MAML3: variants seen among roughly 807,000 people sequenced by gnomAD.
The protein encoded by MAML3 is mastermind-like protein 3.
MAML3 carries 27 observed loss-of-function variants against 101.9 expected under a neutral mutation model. The observed-to-expected ratio is 0.27, with a 90% CI of 0.20 to 0.37. MAML3 has a LOEUF of 0.37. Among genes scored for constraint, MAML3 ranks in the 10% least tolerant of loss-of-function variants. The pLI, the probability that MAML3 is intolerant of heterozygous loss-of-function variation, is 1.00. For synonymous variants in MAML3, 501 were observed against 555.9 expected, an observed-to-expected ratio of 0.90 and a Z score of 1.39; for missense variants, 1,316 against 1,444.9, an observed-to-expected ratio of 0.91 and a Z score of 1.45.
chr4:139,966,474 C>T lies in MAML3; in HGVS notation c.469-75507G>A, dbSNP rs146120928. 1.1e-3 allele frequency among the ~76,000 whole-genome samples: 165 copies of T among 152,210 alleles called. No individual in the cohort carries two copies. In the Middle Eastern group the frequency reaches 0.017, roughly 16 times the overall value. On this transcript the variant is annotated intron_variant, in intron 1 of 4. Transcript: ENST00000509479. ...AAAGGTAAAACAGGCAGAATATGTCCCTGCCTTTGCCTTTCCTAAGATGCA... is the reference window on the plus strand; with the variant it reads ...AAAGGTAAAACAGGCAGAATATGTCTCTGCCTTTGCCTTTCCTAAGATGCA...
chr4:139,790,365 GAACA>G (rs1415677643), intron 2 of MAML3, among the ~76,000 whole-genome samples: 2 of 150,074 alleles, frequency 1.3e-5, no homozygotes, highest in African/African-American at 2.4e-5. Context: ...TTTATGTACA[GAACA>G]AACCACTTTT....
At chr4:139,794,799 C>A (rs1730483540) in intron 2 of MAML3, among the ~76,000 whole-genome samples, 1 of 152,212 alleles carries the variant, frequency 6.6e-6, no homozygotes, top group African/African-American at 2.4e-5. Flanking sequence ...TGCCAACAGT[C>A]TTTGCTCCTC....
At chr4:140,099,233 A>T (rs967266948) in intron 1 of MAML3, among the ~76,000 whole-genome samples, 13 of 145,418 alleles carry the variant, frequency 8.9e-5, no homozygotes, top group African/African-American at 3.3e-4. Flanking sequence ...AGTATATCAC[A>T]CACACACACA....
chr4:139,772,428 G>A lies in MAML3; in HGVS notation c.2080-41761C>T, dbSNP rs185770229. ...GCGATCTCGGCTCACTGCAACCTCC[G>A]CCTCCTGGGTTCAAGTAATTCTCCT... is the stretch of plus-strand genomic sequence containing the variant. On this transcript the variant is annotated intron_variant, in intron 2 of 4. Transcript: ENST00000509479. 4.6e-3 allele frequency among the ~76,000 whole-genome samples: 690 copies of A among 150,972 alleles called. 4 individuals are homozygous for A. The highest frequency in any genetic ancestry group is 0.016 in the African/African-American group (649 of 41,192).
At chr4:140,095,516 C>T (rs1728142152) in intron 1 of MAML3, among the ~76,000 whole-genome samples, 1 of 152,144 alleles carries the variant, frequency 6.6e-6, no homozygotes, top group South Asian at 2.1e-4. Flanking sequence ...TTTTATTTCA[C>T]ACACATTTCT....
chr4:139,760,868 G>A (rs942163618), intron 2 of MAML3, among the ~76,000 whole-genome samples: 9 of 152,154 alleles, frequency 5.9e-5, no homozygotes, highest in East Asian at 1.9e-4. Flanking sequence ...CAGGATGGTC[G>A]TGACAACTCT....
At chr4:140,134,342 C>A (rs1333626895) in intron 1 of MAML3, 12 of 456,574 alleles carry the variant, frequency 2.6e-5, no homozygotes, top group South Asian at 1.9e-4. Flanking sequence ...CGAGGCAAGT[C>A]AAGAAGAAAA....
At chr4:139,738,496 T>C (rs1729033212) in intron 2 of MAML3, among the ~76,000 whole-genome samples, 1 of 152,086 alleles carries the variant, frequency 6.6e-6, no homozygotes, top group Non-Finnish European at 1.5e-5. Flanking sequence ...TGAGCCGAGA[T>C]TGCACCACTG....
chr4:139,972,802 T>C (rs1164011887), intron 1 of MAML3, among the ~76,000 whole-genome samples: 1 of 152,238 alleles, frequency 6.6e-6, no homozygotes, highest in Non-Finnish European at 1.5e-5. Context: ...ATCCATATCT[T>C]AAGTATGAAA....
At chr4:140,131,180 G>A (rs536056922) in intron 1 of MAML3, among the ~76,000 whole-genome samples, 1 of 152,180 alleles carries the variant, frequency 6.6e-6, no homozygotes, top group Non-Finnish European at 1.5e-5. Flanking sequence ...CAGGAAGAAG[G>A]ATGCAGATAT....
At chr4:139,998,262 T>C (rs1734856144) in intron 1 of MAML3, among the ~76,000 whole-genome samples, 1 of 152,224 alleles carries the variant, frequency 6.6e-6, no homozygotes, top group South Asian at 2.1e-4. Context: ...TCTTCTGTCT[T>C]GTTGAATATG....
intron 2 of MAML3, among the ~76,000 whole-genome samples, chr4:139,748,270 C>T (rs1729389512): frequency 6.6e-6 from 1 of 152,082 alleles, no homozygotes; most frequent in Admixed American, 6.5e-5. Context: ...AGAGAAGACA[C>T]TCCCTAGGCT....
intron 2 of MAML3, among the ~76,000 whole-genome samples, chr4:139,856,610 T>A (rs1433304365): frequency 6.6e-6 from 1 of 152,214 alleles, no homozygotes; most frequent in African/African-American, 2.4e-5. Context: ...TTGTCGAACT[T>A]CTGTGAAGTT....
intron 1 of MAML3, among the ~76,000 whole-genome samples, chr4:140,024,756 C>T (rs1458066884): frequency 6.6e-6 from 1 of 152,100 alleles, no homozygotes; most frequent in Non-Finnish European, 1.5e-5. Context: ...CTCTTGGTTC[C>T]ACTTAGATCA....
At chr4:139,784,486 C>T (rs1392431685) in intron 2 of MAML3, among the ~76,000 whole-genome samples, 1 of 152,118 alleles carries the variant, frequency 6.6e-6, no homozygotes, top group Non-Finnish European at 1.5e-5. Flanking sequence ...CCTCTTCTCT[C>T]CCTGCTGTGA....
intron 1 of MAML3, among the ~76,000 whole-genome samples, chr4:140,136,921 C>T (rs1255044171): frequency 6.6e-6 from 1 of 152,198 alleles, no homozygotes; most frequent in Non-Finnish European, 1.5e-5. Context: ...TTTTCTTCCT[C>T]CCATTTCATT....
At chr4:139,829,029 G>A (rs1430168429) in intron 2 of MAML3, among the ~76,000 whole-genome samples, 3 of 139,612 alleles carry the variant, frequency 2.1e-5, no homozygotes, top group Non-Finnish European at 3.1e-5. Context: ...AAGGACGGAC[G>A]GACGGACTAA....
intron 2 of MAML3, among the ~76,000 whole-genome samples, chr4:139,778,995 A>AAAG (rs1387240830): frequency 6.6e-6 from 1 of 151,754 alleles, no homozygotes; most frequent in Non-Finnish European, 1.5e-5. Flanking sequence ...AAAAAAAAAA[A>AAAG]AAAAGAAAAA....
At chr4:139,929,663 G>A (rs1578602375) in intron 1 of MAML3, among the ~76,000 whole-genome samples, 1 of 152,352 alleles carries the variant, frequency 6.6e-6, no homozygotes, top group Admixed American at 6.5e-5. Context: ...GCTTGCCGGA[G>A]ACTATCTGTC....
Sources: gnomAD v4.1 joint callset for allele counts (sites outside exome capture counted in the v4.1 genomes callset) on GRCh38, gnomAD v4.1.1 for gene constraint, MANE v1.5 for transcripts, NCBI Gene and HGNC (gene_info 2026-07-23, HGNC 2026-07-21) for gene names.